GUCY1A2: variants seen among roughly 807,000 people sequenced by gnomAD.
GUCY1A2 encodes the protein guanylate cyclase 1 soluble subunit alpha 2.
GUCY1A2 carries 27 observed loss-of-function variants against 63.5 expected under a neutral mutation model. That is an observed-to-expected ratio of 0.43 (90% CI 0.31 to 0.59). The LOEUF (loss-of-function observed/expected upper bound fraction) is 0.59, where lower values mean the gene tolerates loss of function less well. Ranked by LOEUF, GUCY1A2 falls within the 20% of genes least tolerant of loss-of-function variation. The pLI is 0.11. For synonymous variants in GUCY1A2, 364 were observed against 343.5 expected, an observed-to-expected ratio of 1.06 and a Z score of -0.66; for missense variants, 768 against 913.3, an observed-to-expected ratio of 0.84 and a Z score of 2.05.
At chr11:106,924,014 T>A (rs896662897) in intron 4 of GUCY1A2, among the ~76,000 whole-genome samples, 6 of 152,190 alleles carry the variant, frequency 3.9e-5, no homozygotes, top group East Asian at 1.9e-4. Flanking sequence ...TGACGAATGT[T>A]ACATAAAGCA....
At position 106,710,327 on chromosome 11, in the gene GUCY1A2, TA is replaced by T. The variant is rs1863091897; in HGVS notation, c.1837-1662del. ...ATTATATACATGTATATAATATAGT[TA>T]TATATATAATATATAGTTATATATT... is the stretch of plus-strand genomic sequence containing the variant. On this transcript the variant is annotated intron_variant, in intron 6 of 7. Coordinates refer to ENST00000526355, the MANE Select transcript of GUCY1A2 (RefSeq NM_000855.3). 5.9e-4 allele frequency among the ~76,000 whole-genome samples: 28 copies of T among 47,690 alleles called. 5 individuals carry two copies. The Admixed American group carries it at 8.8e-3, about 15-fold the overall frequency. 31.3% of individuals were successfully genotyped at this position (47,690 alleles called of 152,430 possible).
chr11:106,753,041 G>T (rs1047232677), intron 6 of GUCY1A2, among the ~76,000 whole-genome samples: 1 of 151,974 alleles, frequency 6.6e-6, no homozygotes, highest in Admixed American at 6.6e-5. Flanking sequence ...GACTTTTAAT[G>T]ATCATGATGT....
chr11:106,725,392 T>A (rs1456723654), intron 6 of GUCY1A2, among the ~76,000 whole-genome samples: 1 of 145,580 alleles, frequency 6.9e-6, no homozygotes, highest in African/African-American at 2.5e-5. Context: ...CGGGATGGTC[T>A]CGATCTCCTG....
At chr11:107,010,149 G>C (rs893254532) in intron 1 of GUCY1A2, among the ~76,000 whole-genome samples, 1 of 151,946 alleles carries the variant, frequency 6.6e-6, no homozygotes, top group South Asian at 2.1e-4. Flanking sequence ...CCCTACAACA[G>C]CCCCAGCAAA....
chr11:106,969,479 T>C (rs950865877), intron 3 of GUCY1A2, among the ~76,000 whole-genome samples: 1 of 152,020 alleles, frequency 6.6e-6, no homozygotes, highest in Non-Finnish European at 1.5e-5. Flanking sequence ...TTCATTTACT[T>C]AACAAAAGTC....
chr11:106,851,480 T>A (rs890536546), intron 4 of GUCY1A2, among the ~76,000 whole-genome samples: 8 of 151,990 alleles, frequency 5.3e-5, no homozygotes, highest in African/African-American at 9.7e-5. Context: ...TTTTATCATT[T>A]TCATTTTACA....
chr11:107,017,726 C>T, intron 1 of GUCY1A2, 27 bp downstream of exon 1: 5 of 1,304,162 alleles, frequency 3.8e-6, no homozygotes, highest in South Asian at 3.6e-5. Context: ...CCCCCGAAGG[C>T]GGTCCCCCCT....
At chr11:106,784,552 C>T (rs1393860312) in intron 5 of GUCY1A2, among the ~76,000 whole-genome samples, 1 of 152,168 alleles carries the variant, frequency 6.6e-6, no homozygotes, top group Non-Finnish European at 1.5e-5. Flanking sequence ...AAGAAGCAGC[C>T]TCTACCTCTT....
At chr11:106,988,148 A>C (rs1201521133) in intron 1 of GUCY1A2, among the ~76,000 whole-genome samples, 2 of 152,260 alleles carry the variant, frequency 1.3e-5, no homozygotes, top group African/African-American at 4.8e-5. Context: ...GGAATGGTTA[A>C]GAAATCTAAA....
At chr11:106,933,896 A>C (rs1408533576) in intron 4 of GUCY1A2, among the ~76,000 whole-genome samples, 1 of 152,168 alleles carries the variant, frequency 6.6e-6, no homozygotes, top group Non-Finnish European at 1.5e-5. Flanking sequence ...AGTGGGAGCT[A>C]AACATTGGTG....
intron 4 of GUCY1A2, among the ~76,000 whole-genome samples, chr11:106,934,748 A>G (rs2119956436): frequency 6.6e-6 from 1 of 152,340 alleles, no homozygotes; most frequent in South Asian, 2.1e-4. Context: ...GAAGATGAAT[A>G]ACAATGCTAT....
At chr11:106,738,200 A>C (rs1317757413) in intron 6 of GUCY1A2, among the ~76,000 whole-genome samples, 1 of 152,186 alleles carries the variant, frequency 6.6e-6, no homozygotes, top group African/African-American at 2.4e-5. Flanking sequence ...TTCTTCTGAA[A>C]GGTGTCTTTC....
At chr11:106,753,503 A>G (rs1863919130) in intron 6 of GUCY1A2, among the ~76,000 whole-genome samples, 1 of 152,194 alleles carries the variant, frequency 6.6e-6, no homozygotes, top group Non-Finnish European at 1.5e-5. Flanking sequence ...TTTAGGTCTT[A>G]CATTTAAGTC....
At chr11:106,709,603 G>A (rs1485755810) in intron 6 of GUCY1A2, among the ~76,000 whole-genome samples, 1 of 65,832 alleles carries the variant, frequency 1.5e-5, no homozygotes, top group African/African-American at 4.4e-5. Context: ...ATAATATATA[G>A]TTATATATTA....
Position 106,810,137 on chromosome 11 carries a change from CT to C in GUCY1A2, c.1547del (p.Lys516SerfsTer27). ...LWQGQQVQAR[K>X]FDDVTMLFSD... ...AAAAGAGCATGGTGACATCATCAAA[CT>C]TTCTGGCCTGTACTTGCTGCCCTTG... On this transcript the variant is annotated frameshift_variant, in exon 5 of 8. Coordinates refer to ENST00000526355, the MANE Select transcript of GUCY1A2 (RefSeq NM_000855.3). LOFTEE classifies it high-confidence loss of function. 1 of 1,614,044 alleles carries C rather than the reference CT, an allele frequency of 6.2e-7. No homozygotes were observed. Among genetic ancestry groups the C allele is most frequent in the Non-Finnish European group, 8.5e-7 (1 of 1,179,932 alleles).
In GUCY1A2 at chr11:106,894,129, C is replaced by T. The variant is rs557255724; in HGVS notation, c.1206+45331G>A. On this transcript the variant is annotated intron_variant, in intron 4 of 7. Coordinates refer to ENST00000526355, the MANE Select transcript of GUCY1A2 (RefSeq NM_000855.3). ...AAAGGAAATACCCAACTCCAATCAA[C>T]TCTAGCCTTCCGCATGGAGGAAGAG... Among the ~76,000 whole-genome samples the T allele has an allele frequency of 9.8e-5, 15 of 152,314 alleles. No individual in the cohort carries two copies. The South Asian group carries it at 3.1e-3, about 32-fold the overall frequency.
chr11:106,776,352 AC>A, intron 6 of GUCY1A2, 86 bp downstream of exon 6: 2 of 1,063,874 alleles, frequency 1.9e-6, no homozygotes, highest in South Asian at 2.9e-5. Flanking sequence ...TCTATAAATT[AC>A]AAAAAGTAGA....
chr11:106,958,261 A>C, intron 3 of GUCY1A2, among the ~76,000 whole-genome samples: 1 of 152,182 alleles, frequency 6.6e-6, no homozygotes, highest in East Asian at 1.9e-4. Flanking sequence ...TAACCAGTCC[A>C]ATCTCTCTCA....
rs1381750600 is a variant in GUCY1A2 at position 106,676,312 on chromosome 11, A to C, written c.*11237T>G. 1 of 183,490 alleles carries C rather than the reference A, an allele frequency of 5.4e-6. No individual in the cohort carries two copies. Among genetic ancestry groups the C allele is most frequent in the Non-Finnish European group, 1.2e-5 (1 of 86,604 alleles). The allele number at this position is 183,490 out of a possible 1,614,324, so 11.4% of individuals were successfully genotyped here. A position where few individuals can be genotyped will look rare whatever the true frequency, so the allele number is the denominator to read the frequency against. ...CAAATACTCTGCTAGAAATGATTTA[A>C]TTTTCCCTGAAAAATAATGGCTTTG... On this transcript the variant is annotated 3_prime_UTR_variant, in exon 8 of 8. Coordinates refer to ENST00000526355, the MANE Select transcript of GUCY1A2 (RefSeq NM_000855.3).
Sources: allele counts gnomAD v4.1 joint callset (sites outside exome capture counted in the v4.1 genomes callset), GRCh38; gene constraint gnomAD v4.1.1; transcripts MANE v1.5; gene names NCBI Gene and HGNC (gene_info 2026-07-23, HGNC 2026-07-21).